Variants in MAGI1 observed in about 807,000 individuals in gnomAD.
The protein encoded by MAGI1 is membrane associated guanylate kinase, WW and PDZ domain containing 1.
MAGI1 carries 58 observed loss-of-function variants against 139.9 expected under a neutral mutation model. The ratio of observed to expected loss-of-function variants is 0.41; its 90% CI spans 0.34 to 0.52. The LOEUF (loss-of-function observed/expected upper bound fraction) is 0.52, where lower values mean the gene tolerates loss of function less well. Among genes scored for constraint, MAGI1 ranks in the 20% least tolerant of loss-of-function variants. MAGI1 has a pLI of 0.12. For missense variants in MAGI1, 1,874 were observed against 1,901.6 expected, an observed-to-expected ratio of 0.99 and a Z score of 0.27; for synonymous variants, 812 against 737.9, an observed-to-expected ratio of 1.10 and a Z score of -1.63.
chr3:65,974,304 G>A (rs1199066910), intron 1 of MAGI1, among the ~76,000 whole-genome samples: 1 of 147,816 alleles, frequency 6.8e-6, no homozygotes, highest in African/African-American at 2.5e-5. Context: ...ATGGGAGAGT[G>A]GGAGGGAAGA....
At chr3:65,694,794 T>C (rs994303195) in intron 1 of MAGI1, among the ~76,000 whole-genome samples, 4 of 152,218 alleles carry the variant, frequency 2.6e-5, no homozygotes, top group African/African-American at 9.6e-5. Flanking sequence ...CAGAAATCTA[T>C]TAATTACAAC....
intron 1 of MAGI1, among the ~76,000 whole-genome samples, chr3:65,659,258 C>A (rs1176052396): frequency 6.6e-6 from 1 of 151,976 alleles, no homozygotes; most frequent in African/African-American, 2.4e-5. Flanking sequence ...ACAGGGTGAT[C>A]ACAGGAGAAT....
At chr3:65,426,041 A>G (rs11131020) in intron 12 of MAGI1, among the ~76,000 whole-genome samples, 47,906 of 152,034 alleles carry the variant, frequency 0.32, 10,129 homozygotes, top group Non-Finnish European at 0.46. Flanking sequence ...CACTTTCCTG[A>G]CTGGACAGCA....
intron 3 of MAGI1, among the ~76,000 whole-genome samples, chr3:65,485,703 T>C (rs1951580893): frequency 6.6e-6 from 1 of 152,226 alleles, no homozygotes. Context: ...TAAGTGTCAC[T>C]ACGCATATAT....
At position 65,977,022 on chromosome 3, in the gene MAGI1, G is replaced by C. The variant is rs146117663; in HGVS notation, c.313+60974C>G. ...CAAGAAATGGAAACCATCTCAGCAG[G>C]TAATCTTTCAAATCCCAATTCCAGG... On this transcript the variant is annotated intron_variant, in intron 1 of 22. Coordinates refer to ENST00000402939, the MANE Select transcript of MAGI1 (RefSeq NM_001033057.2). Among the ~76,000 whole-genome samples the C allele has an allele frequency of 4.8e-3, 732 of 152,234 alleles. 3 individuals carry two copies. Among genetic ancestry groups the C allele is most frequent in the African/African-American group, 0.016 (662 of 41,544 alleles).
rs199668462 is a variant in MAGI1 at position 65,375,726 on chromosome 3, G to T, written c.3196+19C>A. On this transcript the variant is annotated intron_variant, in intron 18 of 22. Transcript: ENST00000402939. Reference sequence around the variant, plus strand: ...AGAGAAAAAGAGAGAGAGAGAGAGAGATAATAGGTATACTTTACCATCCCC... The same window carrying T: ...AGAGAAAAAGAGAGAGAGAGAGAGATATAATAGGTATACTTTACCATCCCC... The T allele has an allele frequency of 1.9e-6, 3 of 1,552,368 alleles. No individual in the cohort carries two copies. Among genetic ancestry groups the T allele is most frequent in the African/African-American group, 1.4e-5 (1 of 73,784 alleles).
intron 1 of MAGI1, among the ~76,000 whole-genome samples, chr3:65,680,568 C>T (rs1337276240): frequency 5.3e-5 from 8 of 152,078 alleles, no homozygotes; most frequent in Admixed American, 6.6e-5. Context: ...GCACACACCA[C>T]CGCACCTGGT....
chr3:65,580,687 T>C (rs985201245), intron 2 of MAGI1, among the ~76,000 whole-genome samples: 4 of 152,180 alleles, frequency 2.6e-5, no homozygotes, highest in Admixed American at 6.5e-5. Context: ...AAAAAAAATA[T>C]GTGGCAGATA....
chr3:66,033,758 A>G (rs2068766393), intron 1 of MAGI1, among the ~76,000 whole-genome samples: 1 of 152,200 alleles, frequency 6.6e-6, no homozygotes, highest in Non-Finnish European at 1.5e-5. Context: ...AAGTAGAGGG[A>G]TAGTTACAGT....
At chr3:65,654,265 T>C (rs549003253) in intron 1 of MAGI1, among the ~76,000 whole-genome samples, 132 of 152,306 alleles carry the variant, frequency 8.7e-4, no homozygotes, top group Non-Finnish European at 1.2e-3. Context: ...GAATGGAAAC[T>C]GTTGTCATTT....
chr3:65,929,802 A>G (rs900392756), intron 1 of MAGI1, among the ~76,000 whole-genome samples: 2 of 152,190 alleles, frequency 1.3e-5, no homozygotes, highest in Non-Finnish European at 2.9e-5. Context: ...ATCCATGGTA[A>G]TAATTCAGGG....
At chr3:65,556,965 C>G (rs2080112800) in intron 2 of MAGI1, among the ~76,000 whole-genome samples, 1 of 152,282 alleles carries the variant, frequency 6.6e-6, no homozygotes, top group East Asian at 1.9e-4. Context: ...GCTCTGACCA[C>G]CTGGGAAAGG....
intron 1 of MAGI1, among the ~76,000 whole-genome samples, chr3:65,782,302 A>C (rs1461112921): frequency 6.6e-6 from 1 of 152,144 alleles, no homozygotes; most frequent in Non-Finnish European, 1.5e-5. Flanking sequence ...ACAGAAGGAT[A>C]CAACGTTGCT....
At chr3:65,520,313 T>C (rs1447232626) in intron 2 of MAGI1, among the ~76,000 whole-genome samples, 1 of 152,216 alleles carries the variant, frequency 6.6e-6, no homozygotes, top group Non-Finnish European at 1.5e-5. Context: ...GAAAAGATAG[T>C]TCCTAATGCA....
chr3:65,533,441 A>AT (rs1218072496), intron 2 of MAGI1, among the ~76,000 whole-genome samples: 2 of 152,198 alleles, frequency 1.3e-5, no homozygotes, highest in Non-Finnish European at 2.9e-5. Context: ...TGTACCCGTA[A>AT]TTGTCATTTT....
At chr3:65,447,976 A>G (rs1174366953) in intron 7 of MAGI1, 46 bp downstream of exon 7, 38 of 1,609,668 alleles carry the variant, frequency 2.4e-5, no homozygotes, top group African/African-American at 4.0e-5. Context: ...CATGCAGGCC[A>G]TGTCATGCAC....
In MAGI1 at chr3:65,566,878, T is replaced by C. The variant is rs190693406; in HGVS notation, c.430+55094A>G. 1.3e-3 allele frequency among the ~76,000 whole-genome samples: 190 copies of C among 151,802 alleles called. 3 individuals are homozygous for C. In the East Asian group the frequency reaches 0.033, roughly 27 times the overall value. ...TCCCAAAGTGCTGGGATTATAGGCA[T>C]GAGCCACAGCATCCGGCCGTCTTTA... is the stretch of plus-strand genomic sequence containing the variant. On this transcript the variant is annotated intron_variant, in intron 2 of 22. Coordinates refer to ENST00000402939, the MANE Select transcript of MAGI1 (RefSeq NM_001033057.2).
rs537459964 is a variant in MAGI1 at position 65,635,400 on chromosome 3, A to G, written c.314-13312T>C. ...TAAAAGCAGTTACAGTCATAAGGACACTGTAAAACATCTATGTGAATCTCA... is the reference window on the plus strand; with the variant it reads ...TAAAAGCAGTTACAGTCATAAGGACGCTGTAAAACATCTATGTGAATCTCA... On this transcript the variant is annotated intron_variant, in intron 1 of 22. Transcript: ENST00000402939. Among the ~76,000 whole-genome samples, 22 of 152,324 alleles carry G rather than the reference A, an allele frequency of 1.4e-4. 1 individual carries two copies. The South Asian group carries it at 3.5e-3, about 24-fold the overall frequency.
At chr3:65,933,412 T>C (rs1188480357) in intron 1 of MAGI1, among the ~76,000 whole-genome samples, 1 of 152,218 alleles carries the variant, frequency 6.6e-6, no homozygotes, top group Non-Finnish European at 1.5e-5. Context: ...CCTGGTTCCA[T>C]GCTACGTGGA....
Sources: allele counts gnomAD v4.1 joint callset (sites outside exome capture counted in the v4.1 genomes callset), GRCh38; gene constraint gnomAD v4.1.1; transcripts MANE v1.5; gene names NCBI Gene and HGNC (gene_info 2026-07-23, HGNC 2026-07-21).